Variants in SEMA5A observed in about 807,000 individuals in gnomAD.
The protein encoded by SEMA5A is semaphorin 5A, also known as semaphorin-5A.
Under a neutral mutation model 135.5 loss-of-function variants are expected in SEMA5A, and 55 were observed. That is an observed-to-expected ratio of 0.41 (90% CI 0.33 to 0.51). The LOEUF (loss-of-function observed/expected upper bound fraction) is 0.51. SEMA5A is among the 20% of genes least tolerant of loss of function. SEMA5A has a pLI of 0.37. For missense variants in SEMA5A, 1,290 were observed against 1,419.9 expected, an observed-to-expected ratio of 0.91 and a Z score of 1.47; for synonymous variants, 580 against 546.5, an observed-to-expected ratio of 1.06 and a Z score of -0.85.
chr5:9,182,168 A>T lies in SEMA5A; in HGVS notation c.1273+8099T>A, dbSNP rs199595187. ...GCTTCTGCCCCCCACCCCAAAAAAA[A>T]ATACGCTTCCTGAGGACAGGGTGTC... On this transcript the variant is annotated intron_variant, in intron 11 of 22. Transcript: ENST00000382496. 9.2e-3 allele frequency among the ~76,000 whole-genome samples: 1,283 copies of T among 139,170 alleles called. 23 individuals are homozygous for T. Among genetic ancestry groups the T allele is most frequent in the African/African-American group, 0.034 (1,197 of 35,106 alleles). The allele number at this position is 139,170 out of a possible 152,430, so 91.3% of individuals were successfully genotyped here.
At chr5:9,404,433 C>T (rs1561225757) in intron 2 of SEMA5A, among the ~76,000 whole-genome samples, 1 of 152,156 alleles carries the variant, frequency 6.6e-6, no homozygotes. Flanking sequence ...ACAACCTCCA[C>T]TATATATATG....
At chr5:9,315,196 T>A (rs368385092) in intron 5 of SEMA5A, among the ~76,000 whole-genome samples, 6 of 152,170 alleles carry the variant, frequency 3.9e-5, no homozygotes, top group African/African-American at 1.4e-4. Flanking sequence ...TCACCTAGAT[T>A]CCCCTGTTAA....
chr5:9,292,338 G>A (rs1224323715), intron 5 of SEMA5A, among the ~76,000 whole-genome samples: 7 of 152,128 alleles, frequency 4.6e-5, no homozygotes, highest in South Asian at 4.2e-4. Flanking sequence ...ATGTTAACTC[G>A]TTTACTCAAT....
intron 5 of SEMA5A, among the ~76,000 whole-genome samples, chr5:9,277,669 C>T (rs1172581702): frequency 1.3e-5 from 2 of 152,132 alleles, no homozygotes; most frequent in African/African-American, 4.8e-5. Context: ...TGTACAGGGA[C>T]ATGGATGATG....
At position 9,078,889 on chromosome 5, in the gene SEMA5A, T is replaced by C. The variant is rs187594848; in HGVS notation, c.2074-12243A>G. On this transcript the variant is annotated intron_variant, in intron 16 of 22. Coordinates refer to ENST00000382496, the MANE Select transcript of SEMA5A (RefSeq NM_003966.3). ...TTCATTCAGCAGCATAGGCCACTAA[T>C]AGTAAATAGTTTGCAAAGACCTGAT... Among the ~76,000 whole-genome samples, 16 of 152,282 alleles carry C rather than the reference T, an allele frequency of 1.1e-4. No individual in the cohort carries two copies. In the East Asian group the frequency reaches 2.5e-3, roughly 24 times the overall value.
rs1369623872 is a variant in SEMA5A, at chr5:9,154,066, T to TATATAC, written c.1481+421_1481+422insGTATAT. On this transcript the variant is annotated intron_variant, in intron 12 of 22. Transcript: ENST00000382496. ...GTCTCAAAAAAAAAAAAAAAAAATA[T>TATATAC]ATATATATATATATATATATATATA... Among the ~76,000 whole-genome samples, 14 of 46,366 alleles carry TATATAC rather than the reference T, an allele frequency of 3.0e-4. 1 individual carries two copies. Among genetic ancestry groups the TATATAC allele is most frequent in the Admixed American group, 6.5e-4 (3 of 4,600 alleles). The allele number at this position is 46,366 out of a possible 152,430, so 30.4% of individuals were successfully genotyped here.
intron 8 of SEMA5A, among the ~76,000 whole-genome samples, chr5:9,212,703 C>T (rs535987973): frequency 3.2e-4 from 48 of 152,286 alleles, no homozygotes; most frequent in Admixed American, 1.6e-3. Context: ...CACATTTCTG[C>T]TATTTGTGAA....
intron 1 of SEMA5A, among the ~76,000 whole-genome samples, chr5:9,458,879 T>A (rs1243473474): frequency 6.6e-6 from 1 of 152,230 alleles, no homozygotes; most frequent in African/African-American, 2.4e-5. Context: ...CAGATTTGTA[T>A]CAAAGGCATC....
At chr5:9,203,355 T>C (rs552792263) in intron 8 of SEMA5A, among the ~76,000 whole-genome samples, 1 of 152,346 alleles carries the variant, frequency 6.6e-6, no homozygotes, top group South Asian at 2.1e-4. Context: ...ATTAGTTTGT[T>C]GGGGCAATTC....
intron 16 of SEMA5A, among the ~76,000 whole-genome samples, chr5:9,089,075 C>T (rs1220092094): frequency 6.6e-6 from 1 of 152,154 alleles, no homozygotes; most frequent in Non-Finnish European, 1.5e-5. Context: ...CCTGTCTGTG[C>T]AGGGGTCTCC....
At chr5:9,178,330 C>CT (rs1744315440) in intron 11 of SEMA5A, among the ~76,000 whole-genome samples, 1 of 117,450 alleles carries the variant, frequency 8.5e-6, no homozygotes, top group Non-Finnish European at 1.8e-5. Context: ...TTTTTTCTCT[C>CT]CTTTTTTTTT....
intron 4 of SEMA5A, among the ~76,000 whole-genome samples, chr5:9,329,914 G>T (rs553276498): frequency 5.6e-4 from 85 of 152,078 alleles, no homozygotes; most frequent in African/African-American, 2.0e-3. Context: ...TACTTATATC[G>T]AGCACATTAT....
intron 10 of SEMA5A, among the ~76,000 whole-genome samples, chr5:9,191,162 G>A (rs549736483): frequency 6.6e-6 from 1 of 152,262 alleles, no homozygotes; most frequent in Non-Finnish European, 1.5e-5. Flanking sequence ...GAGGAGTGGG[G>A]AGAAGAGAGT....
chr5:9,086,277 G>A (rs1359699926), intron 16 of SEMA5A, among the ~76,000 whole-genome samples: 1 of 152,080 alleles, frequency 6.6e-6, no homozygotes, highest in African/African-American at 2.4e-5. Context: ...GGGACCAGGG[G>A]CAGAGTGATA....
At chr5:9,100,126 G>C (rs1217571502) in intron 16 of SEMA5A, among the ~76,000 whole-genome samples, 1 of 152,214 alleles carries the variant, frequency 6.6e-6, no homozygotes, top group African/African-American at 2.4e-5. Context: ...CGATGACTGG[G>C]AAGTTCTCAC....
intron 16 of SEMA5A, among the ~76,000 whole-genome samples, chr5:9,104,908 AC>A (rs535267924): frequency 2.0e-5 from 3 of 152,342 alleles, no homozygotes; most frequent in African/African-American, 7.2e-5. Flanking sequence ...GCTATGAGCC[AC>A]CAGGGAGGGA....
At position 9,207,102 on chromosome 5, in the gene SEMA5A, G is replaced by GTATATATATATATATATATATA. The variant is rs70943947; in HGVS notation, c.647-4884_647-4863dup. ...ACATAATGATAATGAATGATCAAGTGTATATATATATATATATATATATAT... is the reference window on the plus strand; with the variant it reads ...ACATAATGATAATGAATGATCAAGTGTATATATATATATATATATATATATATATATATATATATATATATAT... On this transcript the variant is annotated intron_variant, in intron 8 of 22. Coordinates refer to ENST00000382496, the MANE Select transcript of SEMA5A (RefSeq NM_003966.3). 8.8e-4 allele frequency among the ~76,000 whole-genome samples: 86 copies of GTATATATATATATATATATATA among 97,656 alleles called. 3 individuals carry two copies. Among genetic ancestry groups the GTATATATATATATATATATATA allele is most frequent in the South Asian group, 1.7e-3 (4 of 2,398 alleles). The allele number at this position is 97,656 out of a possible 152,430, so 64.1% of individuals were successfully genotyped here.
intron 2 of SEMA5A, among the ~76,000 whole-genome samples, chr5:9,425,666 G>A (rs1757621347): frequency 6.6e-6 from 1 of 152,160 alleles, no homozygotes; most frequent in South Asian, 2.1e-4. Flanking sequence ...CAGTAAGGGT[G>A]GGTTCCAACC....
chr5:9,315,811 G>A (rs773778642), intron 5 of SEMA5A, among the ~76,000 whole-genome samples: 9 of 152,078 alleles, frequency 5.9e-5, no homozygotes, highest in Non-Finnish European at 1.2e-4. Context: ...TGACTATTTG[G>A]TCATGGGCTA....
Sources: allele counts gnomAD v4.1 joint callset (sites outside exome capture counted in the v4.1 genomes callset), GRCh38; gene constraint gnomAD v4.1.1; transcripts MANE v1.5; gene names NCBI Gene and HGNC (gene_info 2026-07-23, HGNC 2026-07-21).